RBFOX1: variants seen among roughly 807,000 people sequenced by gnomAD.
RBFOX1 encodes RNA binding fox-1 homolog 1.
A neutral mutation model predicts 57.7 loss-of-function variants in RBFOX1; 8 were observed. The observed-to-expected ratio is 0.14, with a 90% CI of 0.08 to 0.25. The LOEUF is 0.25. RBFOX1 is among the 10% of genes least tolerant of loss of function. The pLI, the probability that RBFOX1 is intolerant of heterozygous loss-of-function variation, is 1.00. For missense variants in RBFOX1, 611 were observed against 548.5 expected, an observed-to-expected ratio of 1.11 and a Z score of -1.14; for synonymous variants, 326 against 222.4, an observed-to-expected ratio of 1.47 and a Z score of -4.15.
intron 3 of RBFOX1, chr16:5,611,382 C>G (rs1300902814): frequency 2.0e-5 from 3 of 152,098 alleles, no homozygotes; most frequent in South Asian, 2.1e-4. Flanking sequence ...CACTGCAACC[C>G]CAGCATCACC....
At chr16:5,642,320 C>G (rs146161283) in intron 3 of RBFOX1, among the ~76,000 whole-genome samples, 17 of 152,236 alleles carry the variant, frequency 1.1e-4, no homozygotes, top group African/African-American at 4.1e-4. Flanking sequence ...GTGCGAATTA[C>G]CCGAAATACA....
intron 2 of RBFOX1, among the ~76,000 whole-genome samples, chr16:5,530,365 T>C (rs1403905714): frequency 6.6e-6 from 1 of 152,140 alleles, no homozygotes; most frequent in Non-Finnish European, 1.5e-5. Context: ...ATTTTAAGGA[T>C]ACAGAATCAG....
intron 4 of RBFOX1, among the ~76,000 whole-genome samples, chr16:7,434,460 A>T (rs1430789186): frequency 6.6e-6 from 1 of 151,938 alleles, no homozygotes; most frequent in African/African-American, 2.4e-5. Flanking sequence ...CGACAGAGCA[A>T]GACTCTGTCT....
intron 11 of RBFOX1, among the ~76,000 whole-genome samples, chr16:7,638,228 C>T (rs542939377): frequency 6.7e-4 from 102 of 152,290 alleles, no homozygotes; most frequent in African/African-American, 2.3e-3. Flanking sequence ...ATATGTCAGG[C>T]ATTGTGCTAA....
intron 3 of RBFOX1, among the ~76,000 whole-genome samples, chr16:6,920,271 C>T (rs190446378): frequency 6.6e-6 from 1 of 152,046 alleles, no homozygotes; most frequent in African/African-American, 2.4e-5. Context: ...TATATGACTT[C>T]TTTCCTTTGG....
At chr16:6,678,676 G>C (rs1293729554) in intron 3 of RBFOX1, among the ~76,000 whole-genome samples, 1 of 151,724 alleles carries the variant, frequency 6.6e-6, no homozygotes, top group Non-Finnish European at 1.5e-5. Context: ...AAGATACACA[G>C]AACAAATGTA....
intron 1 of RBFOX1, among the ~76,000 whole-genome samples, chr16:6,055,044 A>C (rs1255303806): frequency 3.9e-5 from 6 of 152,108 alleles, no homozygotes; most frequent in Non-Finnish European, 8.8e-5. Flanking sequence ...TCCAATGCAG[A>C]ATCATGTCAT....
chr16:5,740,534 A>C (rs535588347), intron 3 of RBFOX1, among the ~76,000 whole-genome samples: 1 of 152,232 alleles, frequency 6.6e-6, no homozygotes, highest in Non-Finnish European at 1.5e-5. Flanking sequence ...CACGTGACTG[A>C]AAACCAAACC....
chr16:6,016,243 C>A (rs969225195), upstream of RBFOX1, among the ~76,000 whole-genome samples: 1 of 152,128 alleles, frequency 6.6e-6, no homozygotes, highest in African/African-American at 2.4e-5. Flanking sequence ...TTCGCAAGAA[C>A]ACCTTATCTG....
intron 3 of RBFOX1, among the ~76,000 whole-genome samples, chr16:6,885,413 C>A (rs774500785): frequency 6.6e-6 from 1 of 152,230 alleles, no homozygotes; most frequent in Non-Finnish European, 1.5e-5. Flanking sequence ...TTACAAAACC[C>A]ATTTTAATAA....
chr16:7,438,804 G>T (rs1369748069), intron 4 of RBFOX1, among the ~76,000 whole-genome samples: 3 of 152,152 alleles, frequency 2.0e-5, no homozygotes, highest in Non-Finnish European at 4.4e-5. Context: ...AGCCTTGATG[G>T]GCCCAGGCCC....
intron 2 of RBFOX1, among the ~76,000 whole-genome samples, chr16:6,347,080 G>C (rs1380162854): frequency 6.6e-6 from 1 of 152,190 alleles, no homozygotes; most frequent in Non-Finnish European, 1.5e-5. Context: ...GGAGTTCAAA[G>C]AATCTTAGGG....
intron 1 of RBFOX1, among the ~76,000 whole-genome samples, chr16:5,258,734 G>C (rs75995154): frequency 2.8e-4 from 42 of 152,162 alleles, no homozygotes; most frequent in African/African-American, 9.9e-4. Flanking sequence ...TGACCAACAT[G>C]GTGAAACCCT....
At chr16:7,361,083 C>T (rs539299543) in intron 4 of RBFOX1, among the ~76,000 whole-genome samples, 3 of 152,284 alleles carry the variant, frequency 2.0e-5, no homozygotes, top group African/African-American at 7.2e-5. Flanking sequence ...CTGGGGGTTT[C>T]TTGGCCATTG....
chr16:7,098,427 C>A (rs868399429), intron 4 of RBFOX1, among the ~76,000 whole-genome samples: 2 of 152,178 alleles, frequency 1.3e-5, no homozygotes, highest in African/African-American at 4.8e-5. Context: ...GCCTAGGCCT[C>A]CCAAAGTGCT....
In RBFOX1 at chr16:6,960,953, C is replaced by T. The variant is rs150749123; in HGVS notation, c.-15-91104C>T. On this transcript the variant is annotated intron_variant, in intron 3 of 15. Coordinates refer to ENST00000550418, the MANE Select transcript of RBFOX1 (RefSeq NM_018723.4). The stretch of plus-strand genomic sequence containing the variant: ...GACCAGCCTGGCCAACGTGATGAAA[C>T]TCCATCTCTACTGAAAATACAAAAA... Among the ~76,000 whole-genome samples, 294 of 136,298 alleles carry T rather than the reference C, an allele frequency of 2.2e-3. 7 individuals carry two copies. The South Asian group carries it at 0.048, about 22-fold the overall frequency. 89.4% of individuals were successfully genotyped at this position (136,298 alleles called of 152,430 possible). A position where few individuals can be genotyped will look rare whatever the true frequency, so the allele number is the denominator to read the frequency against.
chr16:5,561,573 C>T (rs542603480), intron 2 of RBFOX1, among the ~76,000 whole-genome samples: 1 of 152,164 alleles, frequency 6.6e-6, no homozygotes, highest in East Asian at 1.9e-4. Flanking sequence ...TATTAGACAC[C>T]AGGGAAGGGG....
intron 4 of RBFOX1, among the ~76,000 whole-genome samples, chr16:5,898,473 G>T (rs933723289): frequency 6.6e-6 from 1 of 151,654 alleles, no homozygotes; most frequent in African/African-American, 2.4e-5. Context: ...CCACTGTCCT[G>T]TGTGGCCTTT....
intron 4 of RBFOX1, among the ~76,000 whole-genome samples, chr16:7,439,116 G>A (rs896947720): frequency 6.6e-6 from 1 of 152,170 alleles, no homozygotes; most frequent in Admixed American, 6.5e-5. Flanking sequence ...TCCTCGCGCT[G>A]GCAAATGGAT....
Sources: allele counts gnomAD v4.1 joint callset (sites outside exome capture counted in the v4.1 genomes callset), GRCh38; gene constraint gnomAD v4.1.1; transcripts MANE v1.5; gene names NCBI Gene and HGNC (gene_info 2026-07-23, HGNC 2026-07-21).